The following NBEA variants were observed in gnomAD, a reference collection of about 807,000 sequenced individuals.
NBEA encodes lysosomal-trafficking regulator 2.
A neutral mutation model predicts 343.4 loss-of-function variants in NBEA; 44 were observed. The ratio of observed to expected loss-of-function variants is 0.13; its 90% CI spans 0.10 to 0.16. NBEA has a LOEUF of 0.16. Among genes scored for constraint, NBEA ranks in the 10% least tolerant of loss-of-function variants. The pLI, the probability that NBEA is intolerant of heterozygous loss-of-function variation, is 1.00. For synonymous variants in NBEA, 1,175 were observed against 1,238.7 expected, an observed-to-expected ratio of 0.95 and a Z score of 1.08; for missense variants, 2,555 against 3,631.3, an observed-to-expected ratio of 0.70 and a Z score of 7.62.
At chr13:35,384,346 G>A (rs2042141172) in intron 38 of NBEA, among the ~76,000 whole-genome samples, 1 of 151,972 alleles carries the variant, frequency 6.6e-6, no homozygotes, top group Non-Finnish European at 1.5e-5. Context: ...ACATTAAGTA[G>A]AACCTTTGAA....
intron 38 of NBEA, among the ~76,000 whole-genome samples, chr13:35,367,186 A>G (rs2066039): frequency 0.29 from 44,023 of 151,030 alleles, 8,253 homozygotes; most frequent in African/African-American, 0.54. Flanking sequence ...AACTGTAAAG[A>G]CCGTTATAAG....
chr13:35,378,898 A>G (rs924117911), intron 38 of NBEA, among the ~76,000 whole-genome samples: 1 of 152,134 alleles, frequency 6.6e-6, no homozygotes, highest in Non-Finnish European at 1.5e-5. Flanking sequence ...GGAATCATAT[A>G]GTATAAACGT....
chr13:34,972,797 G>A (rs569378883), intron 1 of NBEA, among the ~76,000 whole-genome samples: 102 of 152,184 alleles, frequency 6.7e-4, no homozygotes, highest in African/African-American at 2.3e-3. Flanking sequence ...CCACCACACC[G>A]GCCTGGTTTT....
At chr13:35,079,472 A>G (rs1202833842) in intron 10 of NBEA, among the ~76,000 whole-genome samples, 1 of 152,214 alleles carries the variant, frequency 6.6e-6, no homozygotes, top group Non-Finnish European at 1.5e-5. Flanking sequence ...TATTCATTCA[A>G]TAAGCCAGAA....
chr13:35,249,127 CA>C (rs1401253820), intron 34 of NBEA, among the ~76,000 whole-genome samples: 6 of 19,096 alleles, frequency 3.1e-4, no homozygotes, highest in Non-Finnish European at 5.9e-4. Context: ...CCAGCCTGGA[CA>C]AAAAAAGTGA....
intron 41 of NBEA, among the ~76,000 whole-genome samples, chr13:35,522,991 A>G (rs186634153): frequency 6.6e-6 from 1 of 152,208 alleles, no homozygotes; most frequent in Admixed American, 6.5e-5. Context: ...GTGGAGCTGG[A>G]ATCAACAGGA....
intron 10 of NBEA, among the ~76,000 whole-genome samples, chr13:35,081,538 T>C (rs973051815): frequency 1.3e-5 from 2 of 152,114 alleles, no homozygotes; most frequent in Admixed American, 6.6e-5. Context: ...CTTTTTTTTT[T>C]TAAGTGCTTA....
At chr13:35,008,529 C>G (rs1195559761) in intron 1 of NBEA, among the ~76,000 whole-genome samples, 5 of 151,960 alleles carry the variant, frequency 3.3e-5, no homozygotes, top group Non-Finnish European at 7.4e-5. Context: ...CCATTTATTC[C>G]CCAAATATTT....
chr13:35,545,634 A>G (rs546680724), intron 41 of NBEA, among the ~76,000 whole-genome samples: 5 of 152,336 alleles, frequency 3.3e-5, no homozygotes, highest in Middle Eastern at 3.4e-3. Flanking sequence ...ATATTCTTTG[A>G]CATACCTTAG....
chr13:35,465,035 T>C (rs1468005409), intron 40 of NBEA, among the ~76,000 whole-genome samples: 1 of 152,162 alleles, frequency 6.6e-6, no homozygotes, highest in African/African-American at 2.4e-5. Context: ...AAAACCATAA[T>C]AGTATGCATG....
At position 35,432,264 on chromosome 13, in the gene NBEA, C is replaced by A. The variant is rs567319574; in HGVS notation, c.6180-5C>A. On this transcript the variant is annotated splice_region_variant and splice_polypyrimidine_tract_variant and intron_variant, in intron 38 of 58. Transcript: ENST00000379939. ...AGGGATTACTTTTTTTCCCTCTACT[C>A]TTAGCCAATTGCATGATTTCTGGCG... 2 of 1,594,830 alleles carry A rather than the reference C, an allele frequency of 1.3e-6. No homozygotes were observed. The highest frequency in any genetic ancestry group is 1.7e-6 in the Non-Finnish European group (2 of 1,169,370).
At chr13:35,316,176 G>A (rs1001974148) in intron 36 of NBEA, among the ~76,000 whole-genome samples, 2 of 151,846 alleles carry the variant, frequency 1.3e-5, no homozygotes, top group Non-Finnish European at 2.9e-5. Context: ...TGTTACATAG[G>A]TATACACGTG....
intron 8 of NBEA, 32 bp downstream of exon 8, chr13:35,058,895 G>A (rs1201464133): frequency 6.5e-7 from 1 of 1,527,220 alleles, no homozygotes; most frequent in South Asian, 1.2e-5. Context: ...TAAATTCTAT[G>A]GAGAGTTTTA....
At chr13:35,112,647 A>G (rs931874612) in intron 13 of NBEA, among the ~76,000 whole-genome samples, 14 of 152,334 alleles carry the variant, frequency 9.2e-5, no homozygotes, top group African/African-American at 3.4e-4. Context: ...CAGAAAAGTT[A>G]CAAAGTTGCA....
At chr13:34,967,370 A>T in intron 1 of NBEA, among the ~76,000 whole-genome samples, 1 of 151,844 alleles carries the variant, frequency 6.6e-6, no homozygotes, top group South Asian at 2.1e-4. Context: ...AAAAAAGCAA[A>T]ACTGAGACCT....
intron 10 of NBEA, among the ~76,000 whole-genome samples, chr13:35,092,474 A>G (rs989435504): frequency 1.1e-4 from 17 of 152,040 alleles, no homozygotes; most frequent in South Asian, 2.1e-4. Flanking sequence ...TTATTTGACA[A>G]AGGATTTATG....
At chr13:34,951,285 C>T (rs1200469424) in intron 1 of NBEA, among the ~76,000 whole-genome samples, 2 of 152,084 alleles carry the variant, frequency 1.3e-5, no homozygotes, top group Non-Finnish European at 2.9e-5. Flanking sequence ...TAACATACAG[C>T]TATTAAAACA....
chr13:35,108,804 T>C (rs957714204), intron 11 of NBEA, among the ~76,000 whole-genome samples: 5 of 152,120 alleles, frequency 3.3e-5, no homozygotes, highest in Admixed American at 2.6e-4. Flanking sequence ...CATAGTGTTA[T>C]ATGAAGCTGT....
At chr13:35,297,614 A>T (rs1015912000) in intron 35 of NBEA, among the ~76,000 whole-genome samples, 1 of 152,124 alleles carries the variant, frequency 6.6e-6, no homozygotes, top group Middle Eastern at 3.4e-3. Context: ...TCGTGAAGTC[A>T]CTTTATGGAT....
Sources: allele counts gnomAD v4.1 joint callset (sites outside exome capture counted in the v4.1 genomes callset), GRCh38; gene constraint gnomAD v4.1.1; transcripts MANE v1.5; gene names NCBI Gene and HGNC (gene_info 2026-07-23, HGNC 2026-07-21).